The following SCN10A variants were observed in gnomAD, a reference collection of about 807,000 sequenced individuals.
The protein encoded by SCN10A is sodium channel protein type 10 subunit alpha.
SCN10A carries 162 observed loss-of-function variants against 170.7 expected under a neutral mutation model. That is an observed-to-expected ratio of 0.95 (90% CI 0.84 to 1.08). The LOEUF is 1.08. Among genes scored for constraint, SCN10A ranks in the 50% least tolerant of loss-of-function variants. SCN10A has a pLI of 0.00. For synonymous variants in SCN10A, 985 were observed against 904.6 expected (o/e 1.09, Z -1.59); for missense variants, 2,527 against 2,436.9 (o/e 1.04, Z -0.78).
In SCN10A at chr3:38,723,502, G is replaced by T. The variant is rs973127854; in HGVS notation, c.3280C>A (p.Pro1094Thr). 2 of 1,613,220 alleles carry T rather than the reference G, an allele frequency of 1.2e-6. No homozygotes were observed. Among genetic ancestry groups the T allele is most frequent in the Admixed American group, 1.7e-5 (1 of 59,876 alleles). Residue 1094 changes from proline (P) to threonine (T), a missense_variant, in exon 19 of 28, where the codon CCT (proline) becomes ACT (threonine). Pro to Thr is a conservative substitution (Grantham distance 38, BLOSUM62 -1). Transcript: ENST00000449082. ...SEGSTVDCLD[P>T]EEILRKIPEL... ...GGGATCTTCCTCAGGATTTCCTCAG[G>T]ATCTAGGCAGTCCACCGTGCTGCCC...
rs1553625946 is a variant in SCN10A at position 38,792,063 on chromosome 3, C to T, written c.376G>A (p.Val126Met). The T allele has an allele frequency of 6.2e-7, 1 of 1,613,672 alleles. No individual in the cohort carries two copies. The highest frequency in any genetic ancestry group is 8.5e-7 in the Non-Finnish European group (1 of 1,179,714). ...TGCAAAGGATATGAGTGGACAGACA[C>T]TTTGATGGCCGTTCTTCTGATCAGG... ...FNLIRRTAIKVSVHSWFSLFI... is the reference protein window; with the variant it reads ...FNLIRRTAIKMSVHSWFSLFI... The change falls in exon 3 of 28, where the codon GTG becomes ATG. Residue 126 changes from valine (V) to methionine (M), a missense_variant. By Grantham distance (21) the Val-to-Met change is conservative (BLOSUM62 1). Transcript: ENST00000449082.
At chr3:38,746,988 C>G (rs1021916919) in intron 13 of SCN10A, among the ~76,000 whole-genome samples, 2 of 152,096 alleles carry the variant, frequency 1.3e-5, no homozygotes, top group African/African-American at 4.8e-5. Context: ...AAAGAGGTGG[C>G]CTTTATAAAT....
At chr3:38,746,100 T>TATATATATGTATATATCTAG (rs71085336) in intron 13 of SCN10A, among the ~76,000 whole-genome samples, 1 of 99,820 alleles carries the variant, frequency 1.0e-5, no homozygotes, top group Non-Finnish European at 2.0e-5. Flanking sequence ...TATATATATA[T>TATATATATGTATATATCTAG]GCCATCTTTG....
Position 38,742,344 on chromosome 3 carries a change from C to T in SCN10A, c.2053G>A (p.Glu685Lys). The part of the protein sequence containing the change: ...IVVNTIFMAM[E>K]HHGMSPTFEA... ...AAGGTAGGGCTCATGCCATGGTGCT[C>T]CATGGCCATGAAGATGGTGTTCACC... The change falls in exon 14 of 28, where the codon GAG (glutamate) becomes AAG (lysine). Residue 685 changes from glutamate (E) to lysine (K), a missense_variant. Glu to Lys is a moderately conservative substitution (Grantham distance 56). Coordinates refer to ENST00000449082, the MANE Select transcript of SCN10A (RefSeq NM_006514.4). The T allele has an allele frequency of 1.2e-6, 2 of 1,614,110 alleles. No individual in the cohort carries two copies. Among genetic ancestry groups the T allele is most frequent in the Non-Finnish European group, 1.7e-6 (2 of 1,180,020 alleles).
At chr3:38,809,217 A>G (rs1489870483) in intron 1 of SCN10A, among the ~76,000 whole-genome samples, 2 of 152,230 alleles carry the variant, frequency 1.3e-5, no homozygotes, top group African/African-American at 4.8e-5. Flanking sequence ...TTTCTCCCAA[A>G]TGTGATTGGT....
intron 1 of SCN10A, among the ~76,000 whole-genome samples, chr3:38,812,281 A>G (rs1468076748): frequency 1.3e-5 from 2 of 152,366 alleles, no homozygotes; most frequent in East Asian, 1.9e-4. Flanking sequence ...AGCATATCCT[A>G]TAATTAACCC....
chr3:38,790,789 G>T (rs1054309748), intron 3 of SCN10A, among the ~76,000 whole-genome samples: 2 of 152,036 alleles, frequency 1.3e-5, no homozygotes, highest in South Asian at 2.1e-4. Context: ...AATGGGGATG[G>T]TAATCTCTAC....
intron 1 of SCN10A, among the ~76,000 whole-genome samples, chr3:38,803,395 C>A (rs1022677740): frequency 3.3e-5 from 5 of 152,058 alleles, no homozygotes; most frequent in African/African-American, 1.2e-4. Flanking sequence ...GACTTGGAAC[C>A]AACCCAAATG....
At chr3:38,721,758 T>C (rs1300849690) in intron 20 of SCN10A, among the ~76,000 whole-genome samples, 1 of 152,228 alleles carries the variant, frequency 6.6e-6, no homozygotes, top group Admixed American at 6.5e-5. Context: ...AGAAGTGCTA[T>C]TGTAATGATT....
chr3:38,778,922 G>A (rs1278694079), intron 4 of SCN10A, among the ~76,000 whole-genome samples: 1 of 151,986 alleles, frequency 6.6e-6, no homozygotes, highest in Non-Finnish European at 1.5e-5. Context: ...ACTTTTCATA[G>A]TGTGCATATA....
intron 13 of SCN10A, among the ~76,000 whole-genome samples, chr3:38,746,039 A>G (rs914985358): frequency 9.7e-6 from 1 of 102,930 alleles, no homozygotes; most frequent in Non-Finnish European, 1.9e-5. Flanking sequence ...ATATATATAT[A>G]CATATATATA....
rs2063608473 is a variant in SCN10A, at chr3:38,739,595, A to G, written c.2200T>C (p.Cys734Arg). ...YFQKKWNIFD[C>R]IIVTVSLLEL... is the part of the protein sequence containing the mutation. ...AGCAGACTCACAGTGACGATGATGC[A>G]GTCAAAGATATTCCACTTCTTCTGG... is the stretch of plus-strand genomic sequence containing the variant. Residue 734 changes from cysteine (C) to arginine (R), a missense_variant, in exon 15 of 28, where the codon TGC (cysteine) becomes CGC (arginine). Coordinates refer to ENST00000449082, the MANE Select transcript of SCN10A (RefSeq NM_006514.4). 6.2e-6 allele frequency: 10 copies of G among 1,614,170 alleles called. No individual in the cohort carries two copies. Among genetic ancestry groups the G allele is most frequent in the Non-Finnish European group, 8.5e-6 (10 of 1,179,970 alleles).
intron 13 of SCN10A, among the ~76,000 whole-genome samples, chr3:38,749,480 T>C (rs990020100): frequency 2.6e-5 from 4 of 152,226 alleles, no homozygotes; most frequent in African/African-American, 9.6e-5. Flanking sequence ...TCTCTTCCTC[T>C]ACCCTTTGGC....
chr3:38,753,626 A>G (rs2063772372), intron 11 of SCN10A, among the ~76,000 whole-genome samples: 2 of 152,208 alleles, frequency 1.3e-5, no homozygotes, highest in Admixed American at 1.3e-4. Context: ...TAGAACTCAT[A>G]AAATGCAAAA....
At chr3:38,794,878 C>T (rs1045116193) in intron 1 of SCN10A, among the ~76,000 whole-genome samples, 5 of 152,162 alleles carry the variant, frequency 3.3e-5, no homozygotes, top group African/African-American at 9.7e-5. Context: ...AAAAACAGAA[C>T]TCTGCCAACT....
intron 26 of SCN10A, among the ~76,000 whole-genome samples, chr3:38,703,763 TC>T (rs1161796847): frequency 6.6e-6 from 1 of 152,186 alleles, no homozygotes; most frequent in Admixed American, 6.5e-5. Context: ...CCCCATTTTT[TC>T]TCCCTTGACA....
At chr3:38,729,396 T>C (rs2063492666) in intron 15 of SCN10A, among the ~76,000 whole-genome samples, 1 of 152,210 alleles carries the variant, frequency 6.6e-6, no homozygotes, top group Admixed American at 6.5e-5. Context: ...ACAACATCTG[T>C]TGCTCCCACC....
chr3:38,758,368 C>T (rs75310964), intron 8 of SCN10A, among the ~76,000 whole-genome samples: 2,133 of 152,280 alleles, frequency 0.014, 32 homozygotes, highest in Non-Finnish European at 0.023. Context: ...TGTAGAAATC[C>T]ACCATAGCCA....
Position 38,726,813 on chromosome 3 carries a change from G to T in SCN10A, c.2880C>A (p.Asn960Lys). ...CCCTGGCAGTGTTGGCAGCAATGTG[G>T]TTCTCAGCCTTGGAGCTGGAGAGTG... ...KLPLSSSKAE[N>K]HIAANTARGS... The change falls in exon 17 of 28, where the codon AAC (asparagine) becomes AAA (lysine). Residue 960 changes from asparagine to lysine, a missense_variant. Asn to Lys is a moderately conservative substitution (Grantham distance 94). Coordinates refer to ENST00000449082, the MANE Select transcript of SCN10A (RefSeq NM_006514.4). The T allele has an allele frequency of 6.2e-7, 1 of 1,612,608 alleles. No individual in the cohort carries two copies. Among genetic ancestry groups the T allele is most frequent in the Non-Finnish European group, 8.5e-7 (1 of 1,178,688 alleles).
Sources: allele counts gnomAD v4.1 joint callset (sites outside exome capture counted in the v4.1 genomes callset), GRCh38; gene constraint gnomAD v4.1.1; transcripts MANE v1.5; gene names NCBI Gene and HGNC (gene_info 2026-07-23, HGNC 2026-07-21).